HPGDS: variants seen among roughly 807,000 people sequenced by gnomAD.
HPGDS encodes the protein hematopoietic prostaglandin D synthase.
HPGDS carries 26 observed loss-of-function variants against 23.1 expected under a neutral mutation model. The ratio of observed to expected loss-of-function variants is 1.13; its 90% CI spans 0.83 to 1.56. The LOEUF (loss-of-function observed/expected upper bound fraction) is 1.56. HPGDS is among the 40% of genes most tolerant of loss of function. HPGDS has a pLI of 0.00. For missense variants in HPGDS, 268 were observed against 236.4 expected (o/e 1.13, Z -0.88); for synonymous variants, 95 against 77.9 (o/e 1.22, Z -1.16).
intron 3 of HPGDS, among the ~76,000 whole-genome samples, chr4:94,313,777 A>G (rs1182170979): frequency 1.3e-5 from 2 of 152,180 alleles, no homozygotes; most frequent in Admixed American, 6.5e-5. Flanking sequence ...AGGTACACCA[A>G]TCAGACGTAG....
At chr4:94,337,548 G>A (rs890883937) in intron 1 of HPGDS, among the ~76,000 whole-genome samples, 10 of 151,968 alleles carry the variant, frequency 6.6e-5, no homozygotes, top group Admixed American at 1.3e-4. Context: ...GGTGGCGGGC[G>A]CCTGTAATCC....
chr4:94,325,229 C>T (rs923637431), intron 2 of HPGDS, among the ~76,000 whole-genome samples: 5 of 152,168 alleles, frequency 3.3e-5, no homozygotes, highest in Admixed American at 2.0e-4. Flanking sequence ...TTAGGCTACT[C>T]GGGGGTCAGG....
chr4:94,313,956 A>T (rs1560587676), intron 3 of HPGDS, among the ~76,000 whole-genome samples: 1 of 152,208 alleles, frequency 6.6e-6, no homozygotes, highest in East Asian at 1.9e-4. Flanking sequence ...TGCATTCATC[A>T]TGTAGTTCTC....
chr4:94,308,190 A>G (rs1756175100), intron 4 of HPGDS, among the ~76,000 whole-genome samples: 1 of 152,154 alleles, frequency 6.6e-6, no homozygotes, highest in South Asian at 2.1e-4. Context: ...CACATTTGCT[A>G]AAGTTTGTGT....
intron 4 of HPGDS, among the ~76,000 whole-genome samples, chr4:94,302,548 G>A (rs1028088645): frequency 4.6e-5 from 7 of 151,992 alleles, no homozygotes; most frequent in Admixed American, 3.9e-4. Context: ...TTACTAAAGT[G>A]AAATGATTCT....
intron 2 of HPGDS, among the ~76,000 whole-genome samples, chr4:94,319,862 T>C (rs780221139): frequency 2.0e-5 from 3 of 152,198 alleles, no homozygotes; most frequent in Admixed American, 6.5e-5. Context: ...GCTGCACCCA[T>C]TAACTCATCA....
At chr4:94,337,085 C>T (rs903402948) in intron 1 of HPGDS, among the ~76,000 whole-genome samples, 1 of 152,148 alleles carries the variant, frequency 6.6e-6, no homozygotes, top group Non-Finnish European at 1.5e-5. Flanking sequence ...CTGCCTCAGC[C>T]TCCTGAGTAG....
At chr4:94,300,340 T>C (rs1198448600) in intron 5 of HPGDS, among the ~76,000 whole-genome samples, 4 of 152,258 alleles carry the variant, frequency 2.6e-5, no homozygotes, top group Non-Finnish European at 5.9e-5. Flanking sequence ...GGATTAGTGA[T>C]GACAGCCTGG....
chr4:94,318,720 A>C (rs1756444781), intron 2 of HPGDS, among the ~76,000 whole-genome samples: 1 of 152,046 alleles, frequency 6.6e-6, no homozygotes, highest in Admixed American at 6.6e-5. Context: ...TGGATTAAAA[A>C]AATTTTTTTT....
intron 3 of HPGDS, among the ~76,000 whole-genome samples, chr4:94,314,553 G>C (rs527332693): frequency 2.0e-5 from 3 of 152,150 alleles, no homozygotes; most frequent in African/African-American, 7.2e-5. Context: ...GCCCCTACTC[G>C]GGGGTGCCTC....
At chr4:94,311,359 T>G (rs1756267751) in intron 3 of HPGDS, among the ~76,000 whole-genome samples, 1 of 151,402 alleles carries the variant, frequency 6.6e-6, no homozygotes, top group Non-Finnish European at 1.5e-5. Flanking sequence ...GCTGTGGAAT[T>G]GTGTCCAAGG....
chr4:94,326,006 A>G (rs1288798209), intron 2 of HPGDS, among the ~76,000 whole-genome samples: 2 of 150,974 alleles, frequency 1.3e-5, no homozygotes, highest in African/African-American at 2.4e-5. Context: ...CACTTTGAAC[A>G]TATCATTCCA....
chr4:94,334,489 C>A lies in HPGDS; in HGVS notation c.133+8G>T. 6.3e-7 allele frequency: 1 copy of A among 1,575,424 alleles called. No homozygotes were observed. ...ATTTTTCCTACATTTATTATTTTTG[C>A]TACTTACTTGATTTGATTTCAGGCC... On this transcript the variant is annotated splice_region_variant and intron_variant, in intron 2 of 5. Transcript: ENST00000295256.
chr4:94,326,700 T>G (rs533047715), intron 2 of HPGDS, among the ~76,000 whole-genome samples: 1 of 152,306 alleles, frequency 6.6e-6, no homozygotes, highest in Non-Finnish European at 1.5e-5. Context: ...AGGCATTTCA[T>G]GTATTTCCTT....
intron 5 of HPGDS, among the ~76,000 whole-genome samples, chr4:94,300,489 A>G (rs1293979165): frequency 6.6e-6 from 1 of 152,230 alleles, no homozygotes; most frequent in African/African-American, 2.4e-5. Context: ...AGAATTTAAT[A>G]AAGCTGATTG....
chr4:94,326,401 T>C (rs1264571960), intron 2 of HPGDS, among the ~76,000 whole-genome samples: 2 of 152,160 alleles, frequency 1.3e-5, no homozygotes, highest in Non-Finnish European at 2.9e-5. Flanking sequence ...TCTTCATCCT[T>C]TTTTCATTCT....
At chr4:94,314,703 C>T (rs993132249) in intron 3 of HPGDS, among the ~76,000 whole-genome samples, 1 of 152,178 alleles carries the variant, frequency 6.6e-6, no homozygotes, top group Non-Finnish European at 1.5e-5. Context: ...GAGGTTTCTG[C>T]TGCCTTTTGT....
In HPGDS at chr4:94,340,650, C is replaced by CTT. The variant is rs35678433; in HGVS notation, c.-10+2143_-10+2144dup. On this transcript the variant is annotated intron_variant, in intron 1 of 5. Transcript: ENST00000295256. ...CACCGGGCCCGGCCCGCCCCCCTCC[C>CTT]TTTTTTTTTTTTTTTTTTTTTTTTT... Among the ~76,000 whole-genome samples, 65 of 22,460 alleles carry CTT rather than the reference C, an allele frequency of 2.9e-3. 2 individuals are homozygous for CTT. The highest frequency in any genetic ancestry group is 0.01 in the African/African-American group (31 of 3,050). The allele number at this position is 22,460 out of a possible 152,430, so 14.7% of individuals were successfully genotyped here.
chr4:94,336,191 G>C (rs1219696612), intron 1 of HPGDS, among the ~76,000 whole-genome samples: 1 of 136,836 alleles, frequency 7.3e-6, no homozygotes, highest in African/African-American at 2.9e-5. Context: ...GGGCAGCAGA[G>C]TGAGACGCCG....
Sources: gnomAD v4.1 joint callset for allele counts (sites outside exome capture counted in the v4.1 genomes callset) on GRCh38, gnomAD v4.1.1 for gene constraint, MANE v1.5 for transcripts, NCBI Gene and HGNC (gene_info 2026-07-23, HGNC 2026-07-21) for gene names.